Variants in SHOC1 observed in about 807,000 individuals in gnomAD.
SHOC1 encodes shortage in chiasmata 1.
SHOC1 carries 136 observed loss-of-function variants against 179.2 expected under a neutral mutation model. The ratio of observed to expected loss-of-function variants is 0.76; its 90% CI spans 0.66 to 0.87. The LOEUF is 0.87. Among genes scored for constraint, SHOC1 ranks in the 40% least tolerant of loss-of-function variants. The probability of loss-of-function intolerance (pLI) is 0.00; values close to 1 mark genes in which losing one functional copy is unlikely to be tolerated. For synonymous variants in SHOC1, 489 were observed against 586.6 expected, an observed-to-expected ratio of 0.83 and a Z score of 2.41; for missense variants, 1,538 against 1,700.8, an observed-to-expected ratio of 0.90 and a Z score of 1.68.
Position 111,721,531 on chromosome 9 carries a change from G to T in SHOC1, c.2131+878C>A, listed in dbSNP as rs970914444. Among the ~76,000 whole-genome samples, 4 of 152,188 alleles carry T rather than the reference G, an allele frequency of 2.6e-5. No homozygotes were observed. In the East Asian group the frequency reaches 7.7e-4, roughly 29 times the overall value. ...ATTATTGCATTTTTAGTAGAGATGGGGTTTCACCATGTTGGCTAGGCTGGT... is the reference window on the plus strand; with the variant it reads ...ATTATTGCATTTTTAGTAGAGATGGTGTTTCACCATGTTGGCTAGGCTGGT... On this transcript the variant is annotated intron_variant, in intron 15 of 27. Coordinates refer to ENST00000682961, the MANE Select transcript of SHOC1 (RefSeq NM_001378211.1).
At chr9:111,774,095 C>T (rs1011530261) in intron 5 of SHOC1, among the ~76,000 whole-genome samples, 2 of 152,134 alleles carry the variant, frequency 1.3e-5, no homozygotes, top group Admixed American at 6.5e-5. Context: ...TGATTCTAGC[C>T]GACAGTAGCT....
At chr9:111,742,917 A>G (rs1834109788) in intron 10 of SHOC1, among the ~76,000 whole-genome samples, 1 of 152,250 alleles carries the variant, frequency 6.6e-6, no homozygotes, top group African/African-American at 2.4e-5. Flanking sequence ...CATGTCCAAT[A>G]TAGACACACA....
intron 5 of SHOC1, among the ~76,000 whole-genome samples, chr9:111,762,169 C>G (rs1835164440): frequency 6.6e-6 from 1 of 152,102 alleles, no homozygotes; most frequent in African/African-American, 2.4e-5. Flanking sequence ...GTGGCTCACA[C>G]CTGTAATCCC....
chr9:111,727,125 C>T (rs186169718), intron 13 of SHOC1, among the ~76,000 whole-genome samples: 164 of 152,016 alleles, frequency 1.1e-3, no homozygotes, highest in African/African-American at 3.9e-3. Flanking sequence ...TGATATGACA[C>T]ATTATATTAC....
chr9:111,757,076 A>G (rs1233923794), intron 7 of SHOC1, among the ~76,000 whole-genome samples: 1 of 152,172 alleles, frequency 6.6e-6, no homozygotes, highest in Admixed American at 6.5e-5. Flanking sequence ...ATCTCCAAAT[A>G]TAAAACATTT....
At position 111,714,444 on chromosome 9, in the gene SHOC1, C is replaced by A; in HGVS notation, c.2415+1G>T. Reference sequence around the variant, plus strand: ...TTACCGGCTTTATTCCAATACTTAACCTTAATTTGCTGTTGACTTTGCATC... The same window carrying A: ...TTACCGGCTTTATTCCAATACTTAAACTTAATTTGCTGTTGACTTTGCATC... On this transcript the variant is annotated splice_donor_variant, in intron 17 of 27. Coordinates refer to ENST00000682961, the MANE Select transcript of SHOC1 (RefSeq NM_001378211.1). LOFTEE classifies it high-confidence loss of function. 1 of 1,613,148 alleles carries A rather than the reference C, an allele frequency of 6.2e-7. No individual in the cohort carries two copies. Among genetic ancestry groups the A allele is most frequent in the Non-Finnish European group, 8.5e-7 (1 of 1,179,620 alleles).
At chr9:111,754,823 AT>A (rs1834782917) in intron 8 of SHOC1, among the ~76,000 whole-genome samples, 1 of 152,250 alleles carries the variant, frequency 6.6e-6, no homozygotes. Context: ...ACTTGAAAAT[AT>A]TATGCTAAGT....
chr9:111,757,639 T>C (rs1179434690), intron 7 of SHOC1, among the ~76,000 whole-genome samples: 3 of 152,228 alleles, frequency 2.0e-5, no homozygotes, highest in Non-Finnish European at 2.9e-5. Context: ...TAAAATTCAG[T>C]CTTGGACCCT....
intron 5 of SHOC1, among the ~76,000 whole-genome samples, chr9:111,761,019 T>C (rs1835112302): frequency 6.6e-6 from 1 of 151,848 alleles, no homozygotes; most frequent in Admixed American, 6.6e-5. Context: ...ATAGGCAAAA[T>C]AGATCATAAT....
chr9:111,753,245 AT>A (rs1212446730), intron 8 of SHOC1, among the ~76,000 whole-genome samples: 1 of 152,226 alleles, frequency 6.6e-6, no homozygotes, highest in African/African-American at 2.4e-5. Context: ...TTTTAAAAAA[AT>A]CAACATCAAT....
intron 5 of SHOC1, among the ~76,000 whole-genome samples, chr9:111,769,991 T>TTTTTTTTTTTTTTTTTTTTTTTTG (rs1835527802): frequency 7.0e-6 from 1 of 142,928 alleles, no homozygotes. Flanking sequence ...TTTTTGTTTT[T>TTTTTTTTTTTTTTTTTTTTTTTTG]TTTTTTTTTT....
rs1836018375 is a variant in SHOC1 at position 111,781,011 on chromosome 9, G to A, written c.176C>T (p.Ala59Val). The A allele has an allele frequency of 1.2e-6, 2 of 1,610,990 alleles. No individual in the cohort carries two copies. Among genetic ancestry groups the A allele is most frequent in the Admixed American group, 1.7e-5 (1 of 59,826 alleles). ...KFRRPWTRVS[A>V]VSVPGMTDTS... is the part of the protein sequence containing the mutation. ...ATCTGTCATTCCCGGAACTGAAACA[G>A]CTGAGACTAGAAAGGATAATAGTTA... Residue 59 changes from alanine to valine, a missense_variant, in exon 4 of 28, where the codon GCT (alanine) becomes GTT (valine). Ala to Val is a moderately conservative substitution (Grantham distance 64, BLOSUM62 0). Coordinates refer to ENST00000682961, the MANE Select transcript of SHOC1 (RefSeq NM_001378211.1).
intron 12 of SHOC1, among the ~76,000 whole-genome samples, chr9:111,729,921 C>T (rs1833489860): frequency 6.6e-6 from 1 of 151,718 alleles, no homozygotes; most frequent in African/African-American, 2.4e-5. Context: ...CAATCCTCTC[C>T]AACCCTGCCA....
At position 111,693,837 on chromosome 9, in the gene SHOC1, G is replaced by A; in HGVS notation, c.3427C>T (p.Gln1143Ter). ...WILLATLCQL[Q>*]ELLPEVPEKV... ...TCTGGGACTTCAGGTAGGAGTTCCTGAAGTTGACACAGAGTTGCTAATAAT... is the reference window on the plus strand; with the variant it reads ...TCTGGGACTTCAGGTAGGAGTTCCTAAAGTTGACACAGAGTTGCTAATAAT... The change falls in exon 26 of 28, where the codon CAG (glutamine) becomes TAG (stop). Residue 1143 changes from glutamine (Q) to a stop codon, truncating the protein, a stop_gained. Coordinates refer to ENST00000682961, the MANE Select transcript of SHOC1 (RefSeq NM_001378211.1). LOFTEE classifies it high-confidence loss of function. The A allele has an allele frequency of 6.2e-7, 1 of 1,611,428 alleles. No individual in the cohort carries two copies. Among genetic ancestry groups the A allele is most frequent in the Non-Finnish European group, 8.5e-7 (1 of 1,178,400 alleles).
Position 111,691,778 on chromosome 9 carries a change from C to T in SHOC1, c.4199G>A (p.Cys1400Tyr), listed in dbSNP as rs140726823. The change falls in exon 27 of 28, where the codon TGT becomes TAT. Residue 1400 changes from cysteine to tyrosine, a missense_variant. By Grantham distance (194) the Cys-to-Tyr change is radical. Transcript: ENST00000682961. ...KGNLFTDQQKCLSDESEGLTC... is the reference protein window; with the variant it reads ...KGNLFTDQQKYLSDESEGLTC... ...GAGGCCTTCAGACTCATCTGATAGA[C>T]ATTTTTGCTGATCAGTGAATAAATT... The T allele has an allele frequency of 1.2e-4, 190 of 1,613,842 alleles. No individual in the cohort carries two copies. The highest frequency in any genetic ancestry group is 1.5e-4 in the Non-Finnish European group (172 of 1,179,992).
intron 5 of SHOC1, among the ~76,000 whole-genome samples, chr9:111,774,581 T>C (rs910745996): frequency 6.6e-6 from 1 of 152,096 alleles, no homozygotes; most frequent in Non-Finnish European, 1.5e-5. Flanking sequence ...AAAATTCAAG[T>C]CTTCTGACTC....
At chr9:111,740,811 A>G (rs963692756) in intron 11 of SHOC1, among the ~76,000 whole-genome samples, 21 of 152,196 alleles carry the variant, frequency 1.4e-4, no homozygotes, top group South Asian at 8.3e-4. Context: ...GCCTCAAATG[A>G]TCCGCCCGGG....
intron 24 of SHOC1, among the ~76,000 whole-genome samples, chr9:111,698,625 G>A (rs569559194): frequency 8.9e-5 from 13 of 146,778 alleles, no homozygotes; most frequent in Admixed American, 2.7e-4. Context: ...GTCAGGTAGC[G>A]TGATGTGGGG....
intron 5 of SHOC1, among the ~76,000 whole-genome samples, chr9:111,772,967 G>A (rs1182893899): frequency 6.6e-6 from 1 of 151,170 alleles, no homozygotes; most frequent in Non-Finnish European, 1.5e-5. Flanking sequence ...TAGAAACCAT[G>A]AGTTTGGGGA....
Sources: allele counts gnomAD v4.1 joint callset (sites outside exome capture counted in the v4.1 genomes callset), GRCh38; gene constraint gnomAD v4.1.1; transcripts MANE v1.5; gene names NCBI Gene and HGNC (gene_info 2026-07-23, HGNC 2026-07-21).